TLN2: variants seen among roughly 807,000 people sequenced by gnomAD.
The protein encoded by TLN2 is talin 2.
TLN2 carries 118 observed loss-of-function variants against 294.7 expected under a neutral mutation model. The observed-to-expected ratio is 0.40, with a 90% CI of 0.34 to 0.47. The LOEUF (loss-of-function observed/expected upper bound fraction) is 0.47. Among genes scored for constraint, TLN2 ranks in the 20% least tolerant of loss-of-function variants. The pLI, the probability that TLN2 is intolerant of heterozygous loss-of-function variation, is 0.84. For synonymous variants in TLN2, 1,431 were observed against 1,304.5 expected, an observed-to-expected ratio of 1.10 and a Z score of -2.09; for missense variants, 3,083 against 3,282.2, an observed-to-expected ratio of 0.94 and a Z score of 1.48.
rs551173102 is a variant in TLN2 at position 62,506,739 on chromosome 15, A to G, written c.-237-82948A>G. On this transcript the variant is annotated intron_variant, in intron 1 of 58. Transcript: ENST00000636159. ...AATAACTAAGCAACTTGAGAGTTAC[A>G]CTCTAGGGCCCCAAGTTAAAACAGC... is the stretch of plus-strand genomic sequence containing the variant. Among the ~76,000 whole-genome samples the G allele has an allele frequency of 1.4e-4, 22 of 152,296 alleles. 1 individual carries two copies. In the South Asian group the frequency reaches 3.7e-3, roughly 26 times the overall value.
rs895215801 is a variant in TLN2 at position 62,647,325 on chromosome 15, C to T, written c.15C>T (p.Ser5=). The part of the protein sequence containing the change: MVAL[S]LKICVRHCNV... ...CATCTAGGAAAATGGTGGCCCTGTC[C>T]TTAAAGATTTGTGTGCGCCACTGCA... is the stretch of plus-strand genomic sequence containing the variant. The change falls in exon 4 of 59, where the codon TCC becomes TCT. Residue 5 remains serine, a synonymous_variant. Transcript: ENST00000636159. The T allele has an allele frequency of 8.7e-6, 14 of 1,613,934 alleles. No individual in the cohort carries two copies. In the South Asian group the frequency reaches 1.3e-4, roughly 15 times the overall value.
intron 51 of TLN2, 146 bp downstream of exon 51, chr15:62,805,931 T>G (rs531719159): frequency 1.1e-6 from 1 of 876,894 alleles, no homozygotes; most frequent in African/African-American, 1.7e-5. Context: ...GGCTTATGCC[T>G]GAAATCCCAA....
chr15:62,591,814 T>A (rs983540984), intron 2 of TLN2, among the ~76,000 whole-genome samples: 1 of 152,138 alleles, frequency 6.6e-6, no homozygotes, highest in Non-Finnish European at 1.5e-5. Context: ...TCCGAGCTGA[T>A]GGCAATGGGA....
At chr15:62,731,906 C>A (rs2060749364) in intron 28 of TLN2, among the ~76,000 whole-genome samples, 1 of 152,144 alleles carries the variant, frequency 6.6e-6, no homozygotes, top group African/African-American at 2.4e-5. Context: ...AAACTGTATA[C>A]ATTTATTACT....
chr15:62,437,161 A>G (rs1811823906), intron 1 of TLN2, among the ~76,000 whole-genome samples: 1 of 152,224 alleles, frequency 6.6e-6, no homozygotes, highest in Non-Finnish European at 1.5e-5. Flanking sequence ...CTCATTGATT[A>G]TGAGCCACTT....
chr15:62,585,849 A>G (rs557538345), intron 1 of TLN2, among the ~76,000 whole-genome samples: 1 of 152,270 alleles, frequency 6.6e-6, no homozygotes, highest in South Asian at 2.1e-4. Flanking sequence ...GGACCTTGTT[A>G]TGATCAGGCA....
chr15:62,476,997 C>T (rs2037817626), intron 1 of TLN2, among the ~76,000 whole-genome samples: 1 of 152,174 alleles, frequency 6.6e-6, no homozygotes. Flanking sequence ...TCTCTTTAGT[C>T]GTTAGTAGAC....
At chr15:62,463,835 T>C (rs527910222) in intron 1 of TLN2, among the ~76,000 whole-genome samples, 1 of 152,180 alleles carries the variant, frequency 6.6e-6, no homozygotes, top group Admixed American at 6.5e-5. Context: ...TGCAGTGAGC[T>C]GAGATCGCGC....
At chr15:62,458,004 T>A (rs1424426439) in intron 1 of TLN2, among the ~76,000 whole-genome samples, 1 of 152,228 alleles carries the variant, frequency 6.6e-6, no homozygotes, top group Non-Finnish European at 1.5e-5. Flanking sequence ...AAAATGTTTT[T>A]CAGTTGACAA....
intron 1 of TLN2, among the ~76,000 whole-genome samples, chr15:62,446,166 C>T (rs977540949): frequency 3.3e-5 from 5 of 151,374 alleles, no homozygotes; most frequent in Non-Finnish European, 5.9e-5. Context: ...GCCACCACGC[C>T]CCGCTAATTT....
chr15:62,640,751 G>A (rs4340279), intron 3 of TLN2, among the ~76,000 whole-genome samples: 142,830 of 152,252 alleles, frequency 0.94, 67,198 homozygotes, highest in East Asian at 1. Context: ...AGCATGTTGT[G>A]TGACTGCGAT....
At chr15:62,752,202 C>T (rs2061977002) in intron 34 of TLN2, 103 bp from the exon 35 acceptor site, 19 of 1,433,608 alleles carry the variant, frequency 1.3e-5, no homozygotes, top group Middle Eastern at 1.8e-4. Flanking sequence ...TCAAATGTTC[C>T]AAATTAAGTT....
At chr15:62,411,702 C>G (rs1192196441) in intron 1 of TLN2, among the ~76,000 whole-genome samples, 1 of 152,086 alleles carries the variant, frequency 6.6e-6, no homozygotes, top group Non-Finnish European at 1.5e-5. Context: ...CTCTCCATTC[C>G]TCTGGGGCTG....
chr15:62,474,832 A>C (rs2037695489), intron 1 of TLN2, among the ~76,000 whole-genome samples: 3 of 152,252 alleles, frequency 2.0e-5, no homozygotes, highest in African/African-American at 7.2e-5. Context: ...GGAATCCTTG[A>C]CGATGCTGTG....
chr15:62,677,749 A>T (rs539737809), intron 11 of TLN2, among the ~76,000 whole-genome samples: 41 of 143,712 alleles, frequency 2.9e-4, no homozygotes, highest in African/African-American at 5.6e-4. Flanking sequence ...ATTTTTTTTT[A>T]AAAATTACAT....
chr15:62,668,181 G>A (rs2414786), intron 9 of TLN2, among the ~76,000 whole-genome samples: 134,055 of 151,916 alleles, frequency 0.88, 61,318 homozygotes, highest in Non-Finnish European at 1. Flanking sequence ...CTAGAAATTT[G>A]CAAAGAGTAA....
At chr15:62,674,932 C>G (rs1312605916) in intron 10 of TLN2, among the ~76,000 whole-genome samples, 1 of 152,204 alleles carries the variant, frequency 6.6e-6, no homozygotes, top group Admixed American at 6.5e-5. Flanking sequence ...GTTATGGACC[C>G]TGTTCCCACC....
chr15:62,444,331 A>T (rs898631512), intron 1 of TLN2, among the ~76,000 whole-genome samples: 6 of 152,242 alleles, frequency 3.9e-5, no homozygotes, highest in Non-Finnish European at 7.3e-5. Context: ...TCTTCAGATG[A>T]CTTCATTCTC....
At chr15:62,735,146 C>T (rs983131261) in intron 28 of TLN2, among the ~76,000 whole-genome samples, 2 of 152,218 alleles carry the variant, frequency 1.3e-5, no homozygotes, top group Non-Finnish European at 2.9e-5. Context: ...TCTCTTGCCA[C>T]CTCTGGAAGT....
Sources: gnomAD v4.1 joint callset for allele counts (sites outside exome capture counted in the v4.1 genomes callset) on GRCh38, gnomAD v4.1.1 for gene constraint, MANE v1.5 for transcripts, NCBI Gene and HGNC (gene_info 2026-07-23, HGNC 2026-07-21) for gene names.